Variants in ZMYND8 observed in about 807,000 individuals in gnomAD.
The protein encoded by ZMYND8 is MYND-type zinc finger-containing chromatin reader ZMYND8.
In ZMYND8, 37 loss-of-function variants were observed where a neutral mutation model predicts 140.8. The observed-to-expected ratio is 0.26, with a 90% CI of 0.20 to 0.35. The LOEUF is 0.35. ZMYND8 is among the 10% of genes least tolerant of loss of function. The pLI is 1.00. For missense variants in ZMYND8, 1,068 were observed against 1,570.0 expected (o/e 0.68, Z 5.40); for synonymous variants, 592 against 597.1 (o/e 0.99, Z 0.12).
chr20:47,356,357 A>G lies in ZMYND8; in HGVS notation c.14+300T>C, dbSNP rs1051469837. On this transcript the variant is annotated intron_variant, in intron 1 of 22. Transcript: ENST00000471951. ...AGAAAAAAAAAAAAAGAAGGAAAAA[A>G]AAAAGCTTCTTTTTTGGCATACCAG... is the stretch of plus-strand genomic sequence containing the variant. 11 of 1,491,252 alleles carry G rather than the reference A, an allele frequency of 7.4e-6. No homozygotes were observed. In the African/African-American group the frequency reaches 1.6e-4, roughly 21 times the overall value. 92.4% of individuals were successfully genotyped at this position (1,491,252 alleles called of 1,614,324 possible).
rs760696325 is a variant in ZMYND8 at position 47,246,502 on chromosome 20, G to A, written c.1790C>T (p.Ser597Leu). 1.8e-5 allele frequency: 29 copies of A among 1,576,714 alleles called. No individual in the cohort carries two copies. Among genetic ancestry groups the A allele is most frequent in the South Asian group, 7.0e-5 (6 of 85,978 alleles). ...CTCTACGGCCGTATAGACATCTTCCGAGATTTCATTTATGCCTAAATTCAA... is the reference window on the plus strand; with the variant it reads ...CTCTACGGCCGTATAGACATCTTCCAAGATTTCATTTATGCCTAAATTCAA... Reference protein sequence around the residue: ...CKAQLGINEISEDVYTAVEHS... With the variant: ...CKAQLGINEILEDVYTAVEHS... The change falls in exon 14 of 23, where the codon TCG becomes TTG. Residue 597 changes from serine (S) to leucine (L), a missense_variant. By Grantham distance (145) the Ser-to-Leu change is moderately radical. Around this residue, in one of 10 missense-constraint regions of ZMYND8, gnomAD observed 5 missense variants for 26.9 expected, o/e 0.19. Transcript: ENST00000471951.
In ZMYND8 at chr20:47,283,627, G is replaced by C; in HGVS notation, c.826C>G (p.Pro276Ala). 1 of 1,613,996 alleles carries C rather than the reference G, an allele frequency of 6.2e-7. No homozygotes were observed. Among genetic ancestry groups the C allele is most frequent in the Non-Finnish European group, 8.5e-7 (1 of 1,179,982 alleles). ...TGGCAAGCAGCTAGATAACATTCTG[G>C]ACATACTTCGATTTCATTCATCTGT... ...EHEMNEIEVCPECYLAACQKR... is the reference protein window; with the variant it reads ...EHEMNEIEVCAECYLAACQKR... Residue 276 changes from proline (P) to alanine (A), a missense_variant, in exon 9 of 23, where the codon CCA becomes GCA. Coordinates refer to ENST00000471951, the MANE Select transcript of ZMYND8 (RefSeq NM_001281775.3).
At chr20:47,222,476 C>T (rs1406217076) in intron 19 of ZMYND8, among the ~76,000 whole-genome samples, 1 of 152,034 alleles carries the variant, frequency 6.6e-6, no homozygotes, top group East Asian at 1.9e-4. Flanking sequence ...GCGGAGCTTG[C>T]AGTGAGCTGA....
chr20:47,340,592 G>A (rs2081773866), intron 2 of ZMYND8, among the ~76,000 whole-genome samples: 1 of 151,810 alleles, frequency 6.6e-6, no homozygotes, highest in Non-Finnish European at 1.5e-5. Flanking sequence ...TCAGGAGTTC[G>A]AGACCAGCCT....
chr20:47,347,241 C>T (rs2082412054), intron 2 of ZMYND8, among the ~76,000 whole-genome samples: 1 of 152,130 alleles, frequency 6.6e-6, no homozygotes, highest in Non-Finnish European at 1.5e-5. Flanking sequence ...TTTGGGAAGC[C>T]TCATAAAATC....
intron 11 of ZMYND8, among the ~76,000 whole-genome samples, chr20:47,275,481 G>A (rs191390412): frequency 7.0e-6 from 1 of 142,672 alleles, no homozygotes; most frequent in Non-Finnish European, 1.5e-5. Flanking sequence ...GTGACAGAGC[G>A]AGACTATGTC....
At chr20:47,303,223 A>G (rs1350472876) in intron 3 of ZMYND8, among the ~76,000 whole-genome samples, 1 of 151,808 alleles carries the variant, frequency 6.6e-6, no homozygotes, top group Non-Finnish European at 1.5e-5. Flanking sequence ...AGGGCGGGGA[A>G]CTCCTGTTGA....
rs758122457 is a variant in ZMYND8 at position 47,347,925 on chromosome 20, A to C, written c.16T>G (p.Leu6Val). 1 of 1,613,814 alleles carries C rather than the reference A, an allele frequency of 6.2e-7. No homozygotes were observed. The highest frequency in any genetic ancestry group is 2.2e-5 in the East Asian group (1 of 44,886). Reference protein sequence around the residue: MHPQSLAEEEIKTEQE... With the variant: MHPQSVAEEEIKTEQE... Reference sequence around the variant, plus strand: ...TCTGTTTTTATTTCCTCTTCAGCCAAGCTGAAACAGAGCAAATTATGTTCA... The same window carrying C: ...TCTGTTTTTATTTCCTCTTCAGCCACGCTGAAACAGAGCAAATTATGTTCA... Residue 6 changes from leucine to valine, a missense_variant and splice_region_variant, in exon 2 of 23, where the codon TTG (leucine) becomes GTG (valine). This residue lies in a region of ZMYND8 where 77 missense variants were observed against 85.1 expected (regional missense o/e 0.91). Transcript: ENST00000471951.
intron 1 of ZMYND8, among the ~76,000 whole-genome samples, chr20:47,356,220 C>T (rs1459267058): frequency 7.0e-6 from 1 of 142,176 alleles, no homozygotes; most frequent in Non-Finnish European, 1.5e-5. Context: ...TGCTTACCTT[C>T]CATTTTCTTC....
rs1162799630 is a variant in ZMYND8, at chr20:47,260,910, C to T, written c.1621+1378G>A. 3.3e-5 allele frequency among the ~76,000 whole-genome samples: 5 copies of T among 152,194 alleles called. No individual in the cohort carries two copies. In the South Asian group the frequency reaches 6.2e-4, roughly 19 times the overall value. On this transcript the variant is annotated intron_variant, in intron 12 of 22. Coordinates refer to ENST00000471951, the MANE Select transcript of ZMYND8 (RefSeq NM_001281775.3). ...TCAAGAAAAATCAATGGTGAGGATG[C>T]AATGAATCAATCAATAATGAATCAA... is the stretch of plus-strand genomic sequence containing the variant.
intron 11 of ZMYND8, among the ~76,000 whole-genome samples, chr20:47,267,801 T>C (rs1384722981): frequency 6.6e-6 from 1 of 152,188 alleles, no homozygotes; most frequent in African/African-American, 2.4e-5. Flanking sequence ...CCCTGGAAGA[T>C]CAAGTCTGTT....
chr20:47,258,067 G>A (rs6124984), intron 12 of ZMYND8, among the ~76,000 whole-genome samples: 4 of 152,180 alleles, frequency 2.6e-5, no homozygotes, highest in Admixed American at 2.0e-4. Context: ...TTAAAAACTA[G>A]GAGAGTTCCT....
At chr20:47,337,499 A>G (rs1215534782) in intron 2 of ZMYND8, among the ~76,000 whole-genome samples, 2 of 152,134 alleles carry the variant, frequency 1.3e-5, no homozygotes, top group African/African-American at 2.4e-5. Context: ...ATAACCCTCT[A>G]TATAATTAAT....
intron 12 of ZMYND8, among the ~76,000 whole-genome samples, chr20:47,253,496 C>A (rs1329909497): frequency 1.3e-5 from 2 of 150,802 alleles, no homozygotes; most frequent in African/African-American, 4.9e-5. Flanking sequence ...GAGATCACAC[C>A]ACTGCACTCC....
At chr20:47,212,556 AACACATACACGG>A in intron 22 of ZMYND8, 74 bp downstream of exon 22, 1 of 1,452,212 alleles carries the variant, frequency 6.9e-7, no homozygotes, top group Non-Finnish European at 9.7e-7. Flanking sequence ...CCCACAAAGG[AACACATACACGG>A]ACACACACAG....
At chr20:47,210,977 T>C (rs1325612417) in intron 22 of ZMYND8, 80 bp from the exon 23 acceptor site, 13 of 1,552,262 alleles carry the variant, frequency 8.4e-6, no homozygotes, top group Middle Eastern at 3.6e-4. Flanking sequence ...GACCTGCCCC[T>C]CCTGCACAGG....
intron 2 of ZMYND8, among the ~76,000 whole-genome samples, chr20:47,345,113 G>A (rs1198099389): frequency 2.0e-5 from 3 of 152,110 alleles, no homozygotes; most frequent in African/African-American, 4.8e-5. Flanking sequence ...TCATACCAGT[G>A]CACTCTAGCC....
At chr20:47,308,219 GTT>G (rs1330667811) in intron 3 of ZMYND8, among the ~76,000 whole-genome samples, 38 of 128,698 alleles carry the variant, frequency 3.0e-4, no homozygotes, top group Middle Eastern at 3.9e-3. Flanking sequence ...TGGACGTGAG[GTT>G]TTTTTTTTTT....
chr20:47,219,055 A>ATTTTTTTTTTTTTTTTTTTTTTTT (rs3092175), intron 21 of ZMYND8, among the ~76,000 whole-genome samples: 9 of 110,920 alleles, frequency 8.1e-5, no homozygotes, highest in East Asian at 2.8e-4. Context: ...CGTTTCTACA[A>ATTTTTTTTTTTTTTTTTTTTTTTT]TTTTTTTTTT....
Sources: allele counts gnomAD v4.1 joint callset (sites outside exome capture counted in the v4.1 genomes callset), GRCh38; gene constraint gnomAD v4.1.1; regional missense constraint gnomAD v4.1.1; transcripts MANE v1.5; gene names NCBI Gene and HGNC (gene_info 2026-07-23, HGNC 2026-07-21).